The following ARAP2 variants were observed in gnomAD, a reference collection of about 807,000 sequenced individuals.
ARAP2 encodes the protein arf-GAP with Rho-GAP domain, ANK repeat and PH domain-containing protein 2.
Under a neutral mutation model 194.5 loss-of-function variants are expected in ARAP2, and 148 were observed. The observed-to-expected ratio is 0.76, with a 90% CI of 0.67 to 0.87. The LOEUF (loss-of-function observed/expected upper bound fraction) is 0.87. ARAP2 is among the 40% of genes least tolerant of loss of function. The pLI is 0.00. For synonymous variants in ARAP2, 695 were observed against 683.5 expected (o/e 1.02, Z -0.26); for missense variants, 2,128 against 1,989.7 (o/e 1.07, Z -1.32).
At chr4:36,031,044 C>A (rs754505142) in intron 5 of ARAP2, among the ~76,000 whole-genome samples, 4 of 152,142 alleles carry the variant, frequency 2.6e-5, no homozygotes, top group Admixed American at 1.3e-4. Context: ...GCAGGAGAAT[C>A]CCTTGAACCT....
intron 28 of ARAP2, 97 bp downstream of exon 28, chr4:36,091,784 C>T (rs1393064793): frequency 7.6e-7 from 1 of 1,313,322 alleles, no homozygotes; most frequent in Non-Finnish European, 1.0e-6. Flanking sequence ...TTATATACTA[C>T]AGGCAGTGAC....
intron 20 of ARAP2, 140 bp downstream of exon 20, chr4:36,133,086 A>G: frequency 1.3e-6 from 1 of 767,350 alleles, no homozygotes; most frequent in Non-Finnish European, 2.0e-6. Flanking sequence ...TTAGCTGAAC[A>G]GTAAATCTGC....
At chr4:36,160,382 T>A in intron 13 of ARAP2, 77 bp downstream of exon 13, 1 of 1,330,044 alleles carries the variant, frequency 7.5e-7, no homozygotes, top group South Asian at 2.0e-5. Context: ...TAAAATTTTT[T>A]ACTTTTTCTC....
intron 1 of ARAP2, among the ~76,000 whole-genome samples, chr4:36,230,517 G>A (rs1306456781): frequency 6.6e-6 from 1 of 152,094 alleles, no homozygotes; most frequent in African/African-American, 2.4e-5. Context: ...AATATGAAAG[G>A]TCACATGTCC....
chr4:36,079,173 C>CA (rs34229260), intron 31 of ARAP2, among the ~76,000 whole-genome samples: 32,837 of 77,478 alleles, frequency 0.42, 6,552 homozygotes, highest in East Asian at 0.7. Context: ...GACTCTGTCT[C>CA]AAAAAAAAAA....
At chr4:36,041,082 TGA>T (rs1392959212) in intron 5 of ARAP2, among the ~76,000 whole-genome samples, 4 of 152,170 alleles carry the variant, frequency 2.6e-5, no homozygotes, top group African/African-American at 7.2e-5. Context: ...ATTTATCTAT[TGA>T]GATAATCATT....
At chr4:36,118,438 A>G (rs779572689) in intron 24 of ARAP2, among the ~76,000 whole-genome samples, 8 of 151,388 alleles carry the variant, frequency 5.3e-5, no homozygotes, top group Non-Finnish European at 1.2e-4. Flanking sequence ...TAAATGGATT[A>G]GAGGAAAAAT....
chr4:36,171,408 A>G (rs1736592863), intron 9 of ARAP2, among the ~76,000 whole-genome samples: 1 of 152,076 alleles, frequency 6.6e-6, no homozygotes, highest in Non-Finnish European at 1.5e-5. Flanking sequence ...TTCTCAGCAA[A>G]CTATCGCAAG....
At chr4:36,227,311 T>C (rs1184510670) in intron 2 of ARAP2, among the ~76,000 whole-genome samples, 1 of 152,194 alleles carries the variant, frequency 6.6e-6, no homozygotes, top group Non-Finnish European at 1.5e-5. Flanking sequence ...GTTTAATAGA[T>C]GACACTAGTT....
At chr4:36,025,849 G>A (rs765803117) in intron 5 of ARAP2, among the ~76,000 whole-genome samples, 6 of 152,066 alleles carry the variant, frequency 3.9e-5, no homozygotes, top group Non-Finnish European at 7.4e-5. Context: ...AAATGTTCAT[G>A]ATTTTTTTCC....
intron 8 of ARAP2, among the ~76,000 whole-genome samples, chr4:36,013,335 G>C (rs1372015277): frequency 1.3e-5 from 2 of 152,154 alleles, no homozygotes; most frequent in African/African-American, 2.4e-5. Flanking sequence ...AAAAGAATAG[G>C]AGGATAATAA....
intron 1 of ARAP2, 143 bp from the exon 2 acceptor site, chr4:36,229,788 C>A: frequency 4.3e-6 from 1 of 234,284 alleles, no homozygotes; most frequent in Non-Finnish European, 8.4e-6. Flanking sequence ...CTTTGCATGC[C>A]CTAGAAAACC....
intron 2 of ARAP2, among the ~76,000 whole-genome samples, chr4:36,227,960 A>G (rs556662004): frequency 1.3e-5 from 2 of 152,278 alleles, no homozygotes; most frequent in African/African-American, 4.8e-5. Context: ...ATAAGAACCT[A>G]CACTGGTAGA....
rs764397300 is a variant in ARAP2 at position 36,068,197 on chromosome 4, C to T, written c.4825G>A (p.Ala1609Thr). 3.7e-6 allele frequency: 6 copies of T among 1,613,580 alleles called. No homozygotes were observed. Among genetic ancestry groups the T allele is most frequent in the Non-Finnish European group, 5.1e-6 (6 of 1,179,818 alleles). ...ESVDSSLKER[A>T]SMVAHCLEHK... ...TCCAGGCAGTGGGCCACCATGGAAG[C>T]TCTCTCCTTTAAGCTAGAGTCCACG... The change falls in exon 33 of 33, where the codon GCT becomes ACT. Residue 1609 changes from alanine (A) to threonine (T), a missense_variant. Ala to Thr is a moderately conservative substitution (Grantham distance 58, BLOSUM62 0). Transcript: ENST00000303965.
chr4:36,055,884 G>A (rs1184130259), intron 2 of ARAP2, among the ~76,000 whole-genome samples: 1 of 152,068 alleles, frequency 6.6e-6, no homozygotes, highest in African/African-American at 2.4e-5. Context: ...ACGTTTATAA[G>A]GTAATTTCAC....
intron 13 of ARAP2, chr4:36,160,091 A>G (rs1365121474): frequency 2.0e-6 from 2 of 993,594 alleles, no homozygotes; most frequent in African/African-American, 3.5e-5. Context: ...AGGAACTGTT[A>G]GAATCCTTTT....
At position 36,147,685 on chromosome 4, in the gene ARAP2, A is replaced by G; in HGVS notation, c.3062T>C (p.Leu1021Pro). The G allele has an allele frequency of 6.2e-7, 1 of 1,613,206 alleles. No individual in the cohort carries two copies. ...CAGGGCATGGCAGTCTTTGTAGAAG[A>G]GTTGACCAATCAAATCATAGTCAGC... ...TEADYDLIGQLFYKDCHALDQ... is the reference protein window; with the variant it reads ...TEADYDLIGQPFYKDCHALDQ... The change falls in exon 18 of 33, where the codon CTC (leucine) becomes CCC (proline). Residue 1021 changes from leucine to proline, a missense_variant. Physicochemically the swap from Leu to Pro is moderately conservative, Grantham distance 98. Coordinates refer to ENST00000303965, the MANE Select transcript of ARAP2 (RefSeq NM_015230.4).
In ARAP2 at chr4:36,187,443, A is replaced by C. The variant is rs377136931; in HGVS notation, c.1678+8T>G. The C allele has an allele frequency of 1.5e-6, 2 of 1,373,580 alleles. No individual in the cohort carries two copies. Among genetic ancestry groups the C allele is most frequent in the African/African-American group, 2.9e-5 (2 of 67,992 alleles). 85.1% of individuals were successfully genotyped at this position (1,373,580 alleles called of 1,614,324 possible). A position where few individuals can be genotyped will look rare whatever the true frequency, so the allele number is the denominator to read the frequency against. ...ATGTATTTCATATGGATAAATAAAT[A>C]ATCTCACCTTCTTTTTCTACTCTAA... is the stretch of plus-strand genomic sequence containing the variant. On this transcript the variant is annotated splice_region_variant and intron_variant, in intron 8 of 32. Transcript: ENST00000303965.
At chr4:36,098,250 C>T (rs890370268) in intron 27 of ARAP2, among the ~76,000 whole-genome samples, 3 of 152,066 alleles carry the variant, frequency 2.0e-5, no homozygotes, top group Non-Finnish European at 4.4e-5. Flanking sequence ...GCTTTACCCT[C>T]CATGTCCAGG....
Sources: allele counts gnomAD v4.1 joint callset (sites outside exome capture counted in the v4.1 genomes callset), GRCh38; gene constraint gnomAD v4.1.1; transcripts MANE v1.5; gene names NCBI Gene and HGNC (gene_info 2026-07-23, HGNC 2026-07-21).